Variants in DSCAM observed in about 807,000 individuals in gnomAD.
DSCAM encodes DS cell adhesion molecule.
In DSCAM, 47 loss-of-function variants were observed where a neutral mutation model predicts 217.7. The ratio of observed to expected loss-of-function variants is 0.22; its 90% confidence interval spans 0.17 to 0.28. The LOEUF (loss-of-function observed/expected upper bound fraction) is 0.28. Among genes scored for constraint, DSCAM ranks in the 10% least tolerant of loss-of-function variants. The probability of loss-of-function intolerance (pLI) is 1.00; values close to 1 mark genes in which losing one functional copy is unlikely to be tolerated. For missense variants in DSCAM, 2,080 were observed against 2,618.3 expected, an observed-to-expected ratio of 0.79 and a Z score of 4.49; for synonymous variants, 1,056 against 1,015.3, an observed-to-expected ratio of 1.04 and a Z score of -0.76.
At chr21:40,204,460 T>C (rs182498753) in intron 11 of DSCAM, among the ~76,000 whole-genome samples, 19 of 152,316 alleles carry the variant, frequency 1.2e-4, no homozygotes, top group Non-Finnish European at 2.4e-4. Context: ...TATTAGAAAA[T>C]AAATATACAA....
intron 11 of DSCAM, among the ~76,000 whole-genome samples, chr21:40,206,331 C>T (rs2091125576): frequency 6.6e-6 from 1 of 152,140 alleles, no homozygotes; most frequent in Non-Finnish European, 1.5e-5. Context: ...GTCAAGGAGG[C>T]AGCTCTGGGT....
intron 3 of DSCAM, chr21:40,383,383 T>C (rs943353622): frequency 2.0e-5 from 3 of 152,098 alleles, no homozygotes; most frequent in African/African-American, 7.2e-5. Context: ...CCATGATGAA[T>C]TAAAATGGAG....
chr21:40,294,853 G>A (rs973089829), intron 10 of DSCAM, among the ~76,000 whole-genome samples: 44 of 152,268 alleles, frequency 2.9e-4, no homozygotes, highest in African/African-American at 1.0e-3. Flanking sequence ...TATTTTTGAA[G>A]AAGTCCTTTG....
intron 32 of DSCAM, among the ~76,000 whole-genome samples, chr21:40,027,314 T>A (rs1390835448): frequency 6.6e-6 from 1 of 152,262 alleles, no homozygotes; most frequent in Non-Finnish European, 1.5e-5. Flanking sequence ...TTAACATTTT[T>A]TCCTTCATTT....
intron 3 of DSCAM, among the ~76,000 whole-genome samples, chr21:40,637,946 A>T (rs2089828991): frequency 1.3e-5 from 2 of 151,968 alleles, no homozygotes; most frequent in Middle Eastern, 3.4e-3. Flanking sequence ...GACCTCCCAA[A>T]GTGCTGGGAT....
intron 3 of DSCAM, among the ~76,000 whole-genome samples, chr21:40,497,906 G>A (rs62225515): frequency 0.089 from 13,525 of 152,230 alleles, 704 homozygotes; most frequent in Middle Eastern, 0.16. Flanking sequence ...GTTGGAATTG[G>A]TCAAAATAAC....
intron 3 of DSCAM, among the ~76,000 whole-genome samples, chr21:40,422,501 T>C (rs2075434552): frequency 6.6e-6 from 1 of 151,974 alleles, no homozygotes; most frequent in Non-Finnish European, 1.5e-5. Context: ...AATTAGCCGG[T>C]CATGGTGGTG....
intron 11 of DSCAM, among the ~76,000 whole-genome samples, chr21:40,225,014 C>T (rs761185060): frequency 6.6e-6 from 1 of 152,144 alleles, no homozygotes; most frequent in Non-Finnish European, 1.5e-5. Flanking sequence ...ACTGTGCATG[C>T]TACAAGGTGA....
intron 9 of DSCAM, among the ~76,000 whole-genome samples, chr21:40,300,902 A>G (rs1391765619): frequency 6.6e-6 from 1 of 152,210 alleles, no homozygotes; most frequent in Non-Finnish European, 1.5e-5. Flanking sequence ...ACACTTCAAG[A>G]ACCACTGTTC....
chr21:40,633,120 T>C (rs1449988886), intron 3 of DSCAM, among the ~76,000 whole-genome samples: 1 of 152,244 alleles, frequency 6.6e-6, no homozygotes, highest in East Asian at 1.9e-4. Context: ...TCCCAGCCTG[T>C]GGTTCTTCCC....
chr21:40,529,340 A>G (rs2076425355), intron 3 of DSCAM, among the ~76,000 whole-genome samples: 2 of 152,150 alleles, frequency 1.3e-5, no homozygotes, highest in Non-Finnish European at 2.9e-5. Flanking sequence ...TTTACATGTT[A>G]CTATTACAAA....
intron 14 of DSCAM, among the ~76,000 whole-genome samples, chr21:40,180,303 G>A (rs2090785251): frequency 6.6e-6 from 1 of 152,164 alleles, no homozygotes; most frequent in East Asian, 1.9e-4. Context: ...AGATTTTCTG[G>A]AATTGAAGAA....
At chr21:40,418,215 T>C (rs760226901) in intron 3 of DSCAM, among the ~76,000 whole-genome samples, 1 of 152,134 alleles carries the variant, frequency 6.6e-6, no homozygotes, top group Non-Finnish European at 1.5e-5. Flanking sequence ...GCAGGAGATT[T>C]CAATGCTCAG....
chr21:40,143,379 C>T (rs2090315435), intron 17 of DSCAM, among the ~76,000 whole-genome samples: 1 of 152,156 alleles, frequency 6.6e-6, no homozygotes, highest in South Asian at 2.1e-4. Context: ...GCATATTTAA[C>T]GACTATTGCA....
chr21:40,657,082 T>C (rs550658800), intron 3 of DSCAM, among the ~76,000 whole-genome samples: 18 of 152,358 alleles, frequency 1.2e-4, no homozygotes, highest in Non-Finnish European at 2.1e-4. Flanking sequence ...TTCCCCATTA[T>C]AGAAAGTTTT....
chr21:40,429,531 G>A (rs906016117), intron 3 of DSCAM, among the ~76,000 whole-genome samples: 14 of 152,270 alleles, frequency 9.2e-5, no homozygotes, highest in Admixed American at 3.3e-4. Flanking sequence ...GCCTCCCAAC[G>A]TGCTGGGATT....
At chr21:40,151,714 A>G (rs1257191312) in intron 16 of DSCAM, among the ~76,000 whole-genome samples, 1 of 152,214 alleles carries the variant, frequency 6.6e-6, no homozygotes, top group African/African-American at 2.4e-5. Flanking sequence ...TGTTGAAGAG[A>G]GGCCTGGCTT....
chr21:40,335,443 G>A (rs1480852445), intron 8 of DSCAM, among the ~76,000 whole-genome samples: 1 of 152,000 alleles, frequency 6.6e-6, no homozygotes, highest in African/African-American at 2.4e-5. Flanking sequence ...AGTTTGAGTT[G>A]GTTTCTGTCA....
rs528446018 is a variant in DSCAM at position 40,178,606 on chromosome 21, A to G, written c.2947+321T>C. 2.3e-4 allele frequency among the ~76,000 whole-genome samples: 35 copies of G among 152,232 alleles called. No individual in the cohort carries two copies. In the South Asian group the frequency reaches 6.9e-3, roughly 30 times the overall value. ...AAACACACTCACGGTTCTCCTGTCA[A>G]CCTGGATTCCATGTGTCCAAACAAA... On this transcript the variant is annotated intron_variant, in intron 15 of 32. Coordinates refer to ENST00000400454, the MANE Select transcript of DSCAM (RefSeq NM_001389.5).
Sources: gnomAD v4.1 joint callset for allele counts (sites outside exome capture counted in the v4.1 genomes callset) on GRCh38, gnomAD v4.1.1 for gene constraint, MANE v1.5 for transcripts, NCBI Gene and HGNC (gene_info 2026-07-23, HGNC 2026-07-21) for gene names.